Variants in AUTS2 observed in about 807,000 individuals in gnomAD.
The protein encoded by AUTS2 is autism susceptibility gene 2 protein.
In AUTS2, 17 loss-of-function variants were observed where a neutral mutation model predicts 112.4. The observed-to-expected ratio is 0.15, with a 90% CI of 0.10 to 0.23. The LOEUF (loss-of-function observed/expected upper bound fraction) is 0.23. Ranked by LOEUF, AUTS2 falls within the 10% of genes least tolerant of loss-of-function variation. AUTS2 has a pLI of 1.00. For missense variants in AUTS2, 1,510 were observed against 1,701.6 expected (o/e 0.89, Z 1.98); for synonymous variants, 751 against 702.7 (o/e 1.07, Z -1.09).
intron 1 of AUTS2, among the ~76,000 whole-genome samples, chr7:69,727,659 G>A (rs528746378): frequency 1.6e-4 from 25 of 152,112 alleles, no homozygotes; most frequent in African/African-American, 6.0e-4. Flanking sequence ...GTCTATTTCT[G>A]GACTCTGTGT....
chr7:70,442,043 G>A (rs1342371580), intron 5 of AUTS2, among the ~76,000 whole-genome samples: 1 of 152,178 alleles, frequency 6.6e-6, no homozygotes, highest in Non-Finnish European at 1.5e-5. Context: ...ATTTTGGTCA[G>A]GAGACAGTTT....
chr7:69,918,693 T>C (rs1292055388), intron 2 of AUTS2, among the ~76,000 whole-genome samples: 1 of 152,206 alleles, frequency 6.6e-6, no homozygotes, highest in Non-Finnish European at 1.5e-5. Flanking sequence ...TTATTTGAGG[T>C]AACCACAGTA....
chr7:69,602,040 A>ATATATATGTG (rs1474403063), intron 1 of AUTS2, among the ~76,000 whole-genome samples: 3 of 46,246 alleles, frequency 6.5e-5, no homozygotes, highest in Non-Finnish European at 9.2e-5. Flanking sequence ...ATATATATAT[A>ATATATATGTG]TGTGTGTGTG....
At chr7:70,361,633 C>G (rs919774469) in intron 4 of AUTS2, among the ~76,000 whole-genome samples, 1 of 152,040 alleles carries the variant, frequency 6.6e-6, no homozygotes, top group African/African-American at 2.4e-5. Context: ...CCCAAAAGTG[C>G]TAAATTATAC....
chr7:70,519,944 T>A lies in AUTS2; in HGVS notation c.690+84163T>A, dbSNP rs549510674. 2.0e-5 allele frequency among the ~76,000 whole-genome samples: 3 copies of A among 152,356 alleles called. No individual in the cohort carries two copies. The East Asian group carries it at 5.8e-4, about 29-fold the overall frequency. ...ACTTCATCATGATATAATTTATGTA[T>A]CATAAAGTTGACCCATTTTTAAGTG... is the stretch of plus-strand genomic sequence containing the variant. On this transcript the variant is annotated intron_variant, in intron 5 of 18. Coordinates refer to ENST00000342771, the MANE Select transcript of AUTS2 (RefSeq NM_015570.4).
chr7:69,963,954 C>A (rs544520320), intron 2 of AUTS2, among the ~76,000 whole-genome samples: 1 of 152,096 alleles, frequency 6.6e-6, no homozygotes, highest in Non-Finnish European at 1.5e-5. Context: ...AAACCAATAA[C>A]GTACCTCCTA....
chr7:70,363,103 C>T (rs1396322513), intron 4 of AUTS2, among the ~76,000 whole-genome samples: 2 of 152,036 alleles, frequency 1.3e-5, no homozygotes, highest in African/African-American at 2.4e-5. Context: ...GCATTTATTC[C>T]TCCTGATATT....
intron 5 of AUTS2, among the ~76,000 whole-genome samples, chr7:70,603,634 A>G (rs559168066): frequency 6.6e-6 from 1 of 152,278 alleles, no homozygotes; most frequent in Non-Finnish European, 1.5e-5. Context: ...CTCAGATAGT[A>G]TCTTCCAGTA....
intron 2 of AUTS2, among the ~76,000 whole-genome samples, chr7:70,097,029 A>G (rs141900624): frequency 1.1e-3 from 162 of 152,330 alleles, no homozygotes; most frequent in Non-Finnish European, 1.9e-3. Flanking sequence ...AATTGAAAAG[A>G]ATTAGTACGA....
At chr7:70,125,401 GT>G (rs761821126) in intron 3 of AUTS2, among the ~76,000 whole-genome samples, 52 of 152,104 alleles carry the variant, frequency 3.4e-4, no homozygotes, top group Non-Finnish European at 6.5e-4. Context: ...GTCTTACAAG[GT>G]TTTTCCACTG....
intron 5 of AUTS2, among the ~76,000 whole-genome samples, chr7:70,485,575 T>G (rs1797959288): frequency 6.6e-6 from 1 of 152,098 alleles, no homozygotes; most frequent in South Asian, 2.1e-4. Flanking sequence ...ACTAAAGTAC[T>G]TATCCATGTA....
chr7:70,762,419 C>T (rs1258088090), intron 6 of AUTS2, among the ~76,000 whole-genome samples: 2 of 151,836 alleles, frequency 1.3e-5, no homozygotes, highest in Admixed American at 1.3e-4. Context: ...CTGTAGTACA[C>T]ACCACCACAC....
chr7:69,673,370 T>G (rs181062013), intron 1 of AUTS2, among the ~76,000 whole-genome samples: 1 of 152,194 alleles, frequency 6.6e-6, no homozygotes, highest in African/African-American at 2.4e-5. Context: ...ATGACCTTAT[T>G]CCCTGAACCT....
chr7:70,394,857 C>G (rs114586823), intron 4 of AUTS2, among the ~76,000 whole-genome samples: 1 of 151,670 alleles, frequency 6.6e-6, no homozygotes, highest in African/African-American at 2.4e-5. Flanking sequence ...GTGAGAGGAT[C>G]GCCTGCAGCC....
chr7:69,894,850 G>A lies in AUTS2; in HGVS notation c.310-4436G>A, dbSNP rs1057150730. Among the ~76,000 whole-genome samples the A allele has an allele frequency of 2.0e-5, 3 of 152,054 alleles. No homozygotes were observed. In the South Asian group the frequency reaches 6.2e-4, roughly 32 times the overall value. On this transcript the variant is annotated intron_variant, in intron 1 of 18. Transcript: ENST00000342771. Reference sequence around the variant, plus strand: ...GCTCATGCTTTCCTTGCAGAATATGGACTACAATCATCTTATTTTCAAAAA... The same window carrying A: ...GCTCATGCTTTCCTTGCAGAATATGAACTACAATCATCTTATTTTCAAAAA...
chr7:70,482,318 G>A (rs908106986), intron 5 of AUTS2, among the ~76,000 whole-genome samples: 2 of 152,152 alleles, frequency 1.3e-5, no homozygotes, highest in African/African-American at 4.8e-5. Flanking sequence ...ACTCTCTGTG[G>A]CTTCCTCGTC....
chr7:70,045,951 T>G (rs762903797), intron 2 of AUTS2, among the ~76,000 whole-genome samples: 4 of 152,068 alleles, frequency 2.6e-5, no homozygotes, highest in Non-Finnish European at 5.9e-5. Context: ...TATTGGCCAG[T>G]GCTGTTTTAA....
At chr7:69,782,655 ATAAT>A (rs1584239703) in intron 1 of AUTS2, among the ~76,000 whole-genome samples, 1 of 152,118 alleles carries the variant, frequency 6.6e-6, no homozygotes, top group African/African-American at 2.4e-5. Flanking sequence ...TTAAGAAAAG[ATAAT>A]TAAGGAGGGA....
intron 2 of AUTS2, among the ~76,000 whole-genome samples, chr7:70,069,031 A>G (rs577599993): frequency 3.5e-4 from 54 of 152,286 alleles, no homozygotes; most frequent in Non-Finnish European, 6.8e-4. Context: ...GCATTGGGGG[A>G]CTGACTAGGT....
Sources: allele counts gnomAD v4.1 joint callset (sites outside exome capture counted in the v4.1 genomes callset), GRCh38; gene constraint gnomAD v4.1.1; transcripts MANE v1.5; gene names NCBI Gene and HGNC (gene_info 2026-07-23, HGNC 2026-07-21).